NEB: variants seen among roughly 807,000 people sequenced by gnomAD.
NEB encodes the protein nebulin, also known as nemaline myopathy type 2.
In NEB, 512 loss-of-function variants were observed where a neutral mutation model predicts 952.2. The observed-to-expected ratio is 0.54, with a 90% CI of 0.50 to 0.58. NEB has a LOEUF of 0.58. Among genes scored for constraint, NEB ranks in the 20% least tolerant of loss-of-function variants. The pLI, the probability that NEB is intolerant of heterozygous loss-of-function variation, is 0.00. For missense variants in NEB, 8,428 were observed against 9,231.1 expected, an observed-to-expected ratio of 0.91 and a Z score of 3.56; for synonymous variants, 2,900 against 3,149.8, an observed-to-expected ratio of 0.92 and a Z score of 2.66.
Position 151,519,184 on chromosome 2 carries a change from A to G in NEB, c.22591-115T>C, listed in dbSNP as rs2080230674. 1.6e-5 allele frequency: 12 copies of G among 737,956 alleles called. No individual in the cohort carries two copies. In the South Asian group the frequency reaches 1.9e-4, roughly 11 times the overall value. The allele number at this position is 737,956 out of a possible 1,614,324, so 45.7% of individuals were successfully genotyped here. On this transcript the variant is annotated intron_variant, in intron 154 of 181. Coordinates refer to ENST00000397345, the MANE Select transcript of NEB (RefSeq NM_001164508.2). Reference sequence around the variant, plus strand: ...CAAATGCTGGAGATGGTGATGAAAAATCATACCTCATTCATAGTAGCCAGA... The same window carrying G: ...CAAATGCTGGAGATGGTGATGAAAAGTCATACCTCATTCATAGTAGCCAGA...
rs1230830481 is a variant in NEB, at chr2:151,694,549, G to A, written c.1755C>T (p.Ala585=). Residue 585 remains alanine, a synonymous_variant, in exon 19 of 182, where the codon GCC becomes GCT. Coordinates refer to ENST00000397345, the MANE Select transcript of NEB (RefSeq NM_001164508.2). Reference sequence around the variant, plus strand: ...CGCTGGTGTTCTTGGTGTTGGCTTTGGCTGCCAGCAGGGGAATGGCATCCA... The same window carrying A: ...CGCTGGTGTTCTTGGTGTTGGCTTTAGCTGCCAGCAGGGGAATGGCATCCA... The part of the protein sequence containing the change: ...IKVDAIPLLA[A]KANTKNTSDV... The A allele has an allele frequency of 6.2e-7, 1 of 1,612,854 alleles. No homozygotes were observed. The highest frequency in any genetic ancestry group is 2.2e-5 in the East Asian group (1 of 44,864).
At chr2:151,498,225 T>TCA in intron 170 of NEB, 35 bp downstream of exon 170, 1 of 1,550,252 alleles carries the variant, frequency 6.5e-7, no homozygotes, top group East Asian at 2.4e-5. Flanking sequence ...ATTCTGAAGT[T>TCA]AAGTGGCATT....
intron 17 of NEB, among the ~76,000 whole-genome samples, chr2:151,696,073 C>G (rs1050674507): frequency 1.3e-5 from 2 of 152,122 alleles, no homozygotes; most frequent in African/African-American, 2.4e-5. Flanking sequence ...CTAATTGGAG[C>G]CTTCATTTCT....
intron 168 of NEB, 33 bp downstream of exon 168, chr2:151,501,358 T>A: frequency 7.5e-7 from 1 of 1,325,252 alleles, no homozygotes; most frequent in Non-Finnish European, 1.1e-6. Flanking sequence ...TATTATTTTT[T>A]AATATGGAGT....
Position 151,664,682 on chromosome 2 carries a change from T to C in NEB, c.5344-74A>G, listed in dbSNP as rs188454298. 1.2e-4 allele frequency: 190 copies of C among 1,527,220 alleles called. 1 individual carries two copies. In the East Asian group the frequency reaches 4.3e-3, roughly 35 times the overall value. 94.6% of individuals were successfully genotyped at this position (1,527,220 alleles called of 1,614,324 possible). A position where few individuals can be genotyped will look rare whatever the true frequency, so the allele number is the denominator to read the frequency against. On this transcript the variant is annotated intron_variant, in intron 43 of 181. Transcript: ENST00000397345. ...ATAGAGGTCCTGACTACAAAGTGGT[T>C]GGTATGTAGAATGCAGACATAAGTA...
intron 169 of NEB, among the ~76,000 whole-genome samples, chr2:151,498,899 AG>A: frequency 6.6e-6 from 1 of 152,104 alleles, no homozygotes; most frequent in Middle Eastern, 3.4e-3. Flanking sequence ...GCTAAAAAAA[AG>A]AAACTTCAAA....
At chr2:151,559,904 C>T (rs1243086685) in intron 124 of NEB, among the ~76,000 whole-genome samples, 2 of 152,134 alleles carry the variant, frequency 1.3e-5, no homozygotes, top group East Asian at 1.9e-4. Flanking sequence ...TAAACCTCCA[C>T]GTTCTGCACG....
intron 135 of NEB, among the ~76,000 whole-genome samples, chr2:151,544,496 A>G (rs1326556400): frequency 5.3e-5 from 8 of 152,132 alleles, no homozygotes; most frequent in Non-Finnish European, 1.2e-4. Flanking sequence ...CTCTGGGTGG[A>G]TTTTAAATAT....
At chr2:151,500,593 CTTTTTTTTTTT>C (rs11428843) in intron 168 of NEB, among the ~76,000 whole-genome samples, 2 of 118,458 alleles carry the variant, frequency 1.7e-5, no homozygotes, top group African/African-American at 6.1e-5. Context: ...TTCTTTCTTC[CTTTTTTTTTTT>C]TTTTTTTTTG....
chr2:151,672,098 G>A (rs1285779550), intron 37 of NEB, among the ~76,000 whole-genome samples: 1 of 152,018 alleles, frequency 6.6e-6, no homozygotes, highest in Admixed American at 6.6e-5. Context: ...ATCTCCTCTT[G>A]CTGTGAATCA....
At chr2:151,698,859 C>T (rs1490904335) in intron 13 of NEB, among the ~76,000 whole-genome samples, 1 of 151,148 alleles carries the variant, frequency 6.6e-6, no homozygotes, top group Non-Finnish European at 1.5e-5. Flanking sequence ...AGGATGGTCT[C>T]CATCTCTTTT....
chr2:151,632,605 G>T (rs1051127790), intron 65 of NEB, among the ~76,000 whole-genome samples: 1 of 151,268 alleles, frequency 6.6e-6, no homozygotes, highest in Admixed American at 6.6e-5. Flanking sequence ...GAACCCGGGA[G>T]GCGAAGGTTG....
At chr2:151,664,477 A>G (rs773130120) in intron 44 of NEB, 24 bp downstream of exon 44, 57 of 1,519,792 alleles carry the variant, frequency 3.8e-5, no homozygotes, top group Non-Finnish European at 5.0e-5. Context: ...CTCAACCCCA[A>G]AAAGGCCCAG....
chr2:151,715,130 T>C (rs535683841), intron 10 of NEB, among the ~76,000 whole-genome samples: 2 of 152,354 alleles, frequency 1.3e-5, no homozygotes, highest in South Asian at 2.1e-4. Context: ...GCTTTCAAAG[T>C]ACCCAACACT....
In NEB at chr2:151,636,263, G is replaced by A. The variant is rs751919085; in HGVS notation, c.9066C>T (p.Ile3022=). The A allele has an allele frequency of 1.4e-5, 23 of 1,610,246 alleles. No homozygotes were observed. Among genetic ancestry groups the A allele is most frequent in the East Asian group, 2.2e-5 (1 of 44,882 alleles). Reference sequence around the variant, plus strand: ...TGTCCCTGGAGGCCTTGGCCGCCACGATGGGGATGGCGTCGCTTCGCAAGT... The same window carrying A: ...TGTCCCTGGAGGCCTTGGCCGCCACAATGGGGATGGCGTCGCTTCGCAAGT... ...GYDLRSDAIP[I]VAAKASRDII... Residue 3022 remains isoleucine (I), a synonymous_variant, in exon 64 of 182, where the codon ATC becomes ATT. Coordinates refer to ENST00000397345, the MANE Select transcript of NEB (RefSeq NM_001164508.2).
intron 54 of NEB, among the ~76,000 whole-genome samples, chr2:151,648,164 A>C (rs1046208968): frequency 7.2e-5 from 11 of 152,276 alleles, no homozygotes; most frequent in Admixed American, 6.5e-4. Context: ...TACATGTACT[A>C]TTTTTTCAAC....
chr2:151,630,695 C>G lies in NEB; in HGVS notation c.9723+20G>C, dbSNP rs1182136892. On this transcript the variant is annotated intron_variant, in intron 67 of 181. Coordinates refer to ENST00000397345, the MANE Select transcript of NEB (RefSeq NM_001164508.2). ...TAGACACCACCACCACAATATAGCA[C>G]CACAGATTTTTGCTCCTACCTCACT... The G allele has an allele frequency of 1.3e-6, 2 of 1,561,078 alleles. No individual in the cohort carries two copies. Among genetic ancestry groups the G allele is most frequent in the Non-Finnish European group, 1.8e-6 (2 of 1,141,248 alleles).
intron 105 of NEB, among the ~76,000 whole-genome samples, chr2:151,578,726 G>A (rs1483033977): frequency 1.4e-5 from 2 of 147,714 alleles, no homozygotes; most frequent in African/African-American, 2.5e-5. Context: ...AAGGAAGGAG[G>A]GAAGGAAGGA....
Position 151,646,183 on chromosome 2 carries a change from G to A in NEB, c.7483C>T (p.Pro2495Ser), listed in dbSNP as rs1228732142. 1 of 1,604,612 alleles carries A rather than the reference G, an allele frequency of 6.2e-7. No individual in the cohort carries two copies. ...DKDKTQIHIM[P>S]DTPDIVLAKA... ...GCCAGAACAATGTCAGGTGTATCAGGCATGATGTGGATCTGAGTCTTGTCT... is the reference window on the plus strand; with the variant it reads ...GCCAGAACAATGTCAGGTGTATCAGACATGATGTGGATCTGAGTCTTGTCT... Residue 2495 changes from proline to serine, a missense_variant, in exon 55 of 182, where the codon CCT becomes TCT. Around this residue, in one of 11 missense-constraint regions of NEB, gnomAD observed 1,772 missense variants for 1,960.3 expected, o/e 0.90. Coordinates refer to ENST00000397345, the MANE Select transcript of NEB (RefSeq NM_001164508.2).
Sources: allele counts gnomAD v4.1 joint callset (sites outside exome capture counted in the v4.1 genomes callset), GRCh38; gene constraint gnomAD v4.1.1; regional missense constraint gnomAD v4.1.1; transcripts MANE v1.5; gene names NCBI Gene and HGNC (gene_info 2026-07-23, HGNC 2026-07-21).